SMG6: variants seen among roughly 807,000 people sequenced by gnomAD.
The protein encoded by SMG6 is SMG6 nonsense mediated mRNA decay factor, also known as telomerase-binding protein EST1A.
In SMG6, 66 loss-of-function variants were observed where a neutral mutation model predicts 142.2. The observed-to-expected ratio is 0.46, with a 90% CI of 0.38 to 0.57. SMG6 has a LOEUF of 0.57. Ranked by LOEUF, SMG6 falls within the 20% of genes least tolerant of loss-of-function variation. SMG6 has a pLI of 0.00. For missense variants in SMG6, 1,793 were observed against 1,832.0 expected (o/e 0.98, Z 0.39); for synonymous variants, 779 against 702.4 (o/e 1.11, Z -1.72).
intron 8 of SMG6, among the ~76,000 whole-genome samples, chr17:2,250,644 A>G (rs1479617265): frequency 1.6e-4 from 24 of 151,994 alleles, no homozygotes; most frequent in South Asian, 2.1e-4. Flanking sequence ...TCACCCTCCT[A>G]AAGTAGTGGG....
chr17:2,127,446 T>G, intron 13 of SMG6: 1 of 830,864 alleles, frequency 1.2e-6, no homozygotes. Flanking sequence ...GGTGATAAAA[T>G]CCCAGAGCTA....
chr17:2,267,409 G>A (rs2074444601), intron 8 of SMG6, among the ~76,000 whole-genome samples: 1 of 151,882 alleles, frequency 6.6e-6, no homozygotes, highest in African/African-American at 2.4e-5. Flanking sequence ...GTCAAGGCTA[G>A]TCATGAATGA....
intron 13 of SMG6, among the ~76,000 whole-genome samples, chr17:2,100,811 T>A (rs974628604): frequency 2.6e-5 from 4 of 152,032 alleles, no homozygotes; most frequent in Non-Finnish European, 5.9e-5. Flanking sequence ...CTTCCCAAAG[T>A]GCTAGGATTA....
intron 13 of SMG6, among the ~76,000 whole-genome samples, chr17:2,105,863 A>G (rs959231329): frequency 8.5e-5 from 13 of 152,226 alleles, no homozygotes; most frequent in Non-Finnish European, 1.3e-4. Context: ...TAAGACCTAT[A>G]TGTGGGTAAC....
chr17:2,272,005 G>A (rs2074551563), intron 8 of SMG6, among the ~76,000 whole-genome samples: 1 of 152,202 alleles, frequency 6.6e-6, no homozygotes, highest in East Asian at 1.9e-4. Flanking sequence ...GACATGACAA[G>A]TAAACAGTGA....
chr17:2,226,605 AAAAAC>A (rs2073327300), intron 10 of SMG6, among the ~76,000 whole-genome samples: 1 of 151,560 alleles, frequency 6.6e-6, no homozygotes, highest in African/African-American at 2.4e-5. Flanking sequence ...CAAACAAAAA[AAAAAC>A]AAACAAGTGG....
At chr17:2,240,994 T>C (rs1474325222) in intron 9 of SMG6, among the ~76,000 whole-genome samples, 1 of 152,188 alleles carries the variant, frequency 6.6e-6, no homozygotes, top group Non-Finnish European at 1.5e-5. Flanking sequence ...CCTTTTTCCC[T>C]GCAACAGAAA....
chr17:2,239,128 T>C (rs2073740910), intron 9 of SMG6, among the ~76,000 whole-genome samples: 1 of 152,226 alleles, frequency 6.6e-6, no homozygotes, highest in Admixed American at 6.5e-5. Flanking sequence ...AAATAATCTT[T>C]GCTTCACCCC....
chr17:2,154,096 T>C (rs376256418), intron 13 of SMG6, among the ~76,000 whole-genome samples: 2 of 113,348 alleles, frequency 1.8e-5, no homozygotes, highest in South Asian at 6.6e-4. Flanking sequence ...GGGATGCATG[T>C]AGAGTGTGAC....
chr17:2,195,414 G>A (rs2072293731), intron 10 of SMG6, among the ~76,000 whole-genome samples: 1 of 152,140 alleles, frequency 6.6e-6, no homozygotes, highest in Non-Finnish European at 1.5e-5. Flanking sequence ...CACACTGTCT[G>A]CCCACCTATT....
intron 13 of SMG6, among the ~76,000 whole-genome samples, chr17:2,170,631 G>A (rs557078806): frequency 1.3e-5 from 2 of 152,262 alleles, no homozygotes; most frequent in East Asian, 1.9e-4. Flanking sequence ...TTCACTCTAC[G>A]TTTTTGTTGG....
intron 8 of SMG6, among the ~76,000 whole-genome samples, chr17:2,275,045 T>C (rs867216171): frequency 6.7e-6 from 1 of 148,734 alleles, no homozygotes; most frequent in East Asian, 2.0e-4. Context: ...ATAAAAAAGG[T>C]AGAAACCTAA....
At chr17:2,289,943 T>C (rs35259787) in intron 6 of SMG6, among the ~76,000 whole-genome samples, 1 of 23,410 alleles carries the variant, frequency 4.3e-5, no homozygotes, top group Non-Finnish European at 8.2e-5. Context: ...ATTTTATACA[T>C]ATATATATAT....
intron 4 of SMG6, among the ~76,000 whole-genome samples, chr17:2,295,959 A>G (rs2075134130): frequency 6.6e-6 from 1 of 151,806 alleles, no homozygotes. Flanking sequence ...TTTCTTTCCA[A>G]TCTGTCTTCT....
chr17:2,093,512 A>AT (rs201923226), intron 13 of SMG6, among the ~76,000 whole-genome samples: 6 of 151,322 alleles, frequency 4.0e-5, no homozygotes, highest in East Asian at 1.9e-4. Flanking sequence ...AGCAGCTGGC[A>AT]TTTTTTTTTC....
chr17:2,224,215 G>C (rs765345794), intron 10 of SMG6, among the ~76,000 whole-genome samples: 5 of 152,088 alleles, frequency 3.3e-5, no homozygotes, highest in Non-Finnish European at 7.4e-5. Flanking sequence ...TGATGAACTC[G>C]AGCTTTGCTT....
chr17:2,134,665 G>A (rs1409271973), intron 13 of SMG6, among the ~76,000 whole-genome samples: 1 of 152,056 alleles, frequency 6.6e-6, no homozygotes, highest in African/African-American at 2.4e-5. Flanking sequence ...AGAAGGTCAT[G>A]AAAATTGATC....
intron 13 of SMG6, among the ~76,000 whole-genome samples, chr17:2,116,421 T>A (rs1428065935): frequency 6.6e-6 from 1 of 152,082 alleles, no homozygotes; most frequent in African/African-American, 2.4e-5. Context: ...CATAAAAAGA[T>A]ACCATTAATA....
At chr17:2,089,307 C>T (rs895777636) in intron 13 of SMG6, among the ~76,000 whole-genome samples, 2 of 152,052 alleles carry the variant, frequency 1.3e-5, no homozygotes, top group African/African-American at 2.4e-5. Context: ...TACATTAGCA[C>T]GTGGGGCTGG....
Sources: gnomAD v4.1 joint callset for allele counts (sites outside exome capture counted in the v4.1 genomes callset) on GRCh38, gnomAD v4.1.1 for gene constraint, MANE v1.5 for transcripts, NCBI Gene and HGNC (gene_info 2026-07-23, HGNC 2026-07-21) for gene names.